STK39: variants seen among roughly 807,000 people sequenced by gnomAD.
STK39 encodes serine/threonine kinase 39.
A neutral mutation model predicts 77.8 loss-of-function variants in STK39; 20 were observed. That is an observed-to-expected ratio of 0.26 (90% CI 0.18 to 0.37). The LOEUF is 0.37. Among genes scored for constraint, STK39 ranks in the 10% least tolerant of loss-of-function variants. The probability of loss-of-function intolerance (pLI) is 1.00; values close to 1 mark genes in which losing one functional copy is unlikely to be tolerated. For missense variants in STK39, 479 were observed against 656.5 expected (o/e 0.73, Z 2.95); for synonymous variants, 246 against 234.1 (o/e 1.05, Z -0.47).
At chr2:168,064,957 A>G (rs1441329959) in intron 13 of STK39, among the ~76,000 whole-genome samples, 1 of 152,244 alleles carries the variant, frequency 6.6e-6, no homozygotes, top group African/African-American at 2.4e-5. Flanking sequence ...ATTCAATGAT[A>G]ACAGAATTAT....
chr2:168,163,023 T>C (rs1468448463), intron 4 of STK39, among the ~76,000 whole-genome samples: 2 of 137,764 alleles, frequency 1.5e-5, no homozygotes, highest in East Asian at 5.4e-4. Flanking sequence ...CAAGACTCTG[T>C]CTCAAAAAAA....
chr2:168,230,597 C>T (rs1690428605), intron 1 of STK39, among the ~76,000 whole-genome samples: 1 of 152,174 alleles, frequency 6.6e-6, no homozygotes, highest in Admixed American at 6.5e-5. Flanking sequence ...TACCTTAAGC[C>T]ACTAAGTTTT....
chr2:168,048,001 C>T (rs899080030), intron 14 of STK39, among the ~76,000 whole-genome samples: 5 of 152,262 alleles, frequency 3.3e-5, no homozygotes, highest in African/African-American at 7.2e-5. Flanking sequence ...TACCAGACGA[C>T]GGCACAGAGT....
chr2:168,069,733 A>G (rs898765035), intron 12 of STK39, among the ~76,000 whole-genome samples: 1 of 152,172 alleles, frequency 6.6e-6, no homozygotes, highest in Admixed American at 6.5e-5. Flanking sequence ...CAGCTTTTTA[A>G]AAATCAGAGT....
At chr2:168,229,916 G>A (rs1324919368) in intron 1 of STK39, among the ~76,000 whole-genome samples, 1 of 152,106 alleles carries the variant, frequency 6.6e-6, no homozygotes, top group Non-Finnish European at 1.5e-5. Context: ...ATATACTCCT[G>A]AAGCCACTTC....
intron 5 of STK39, among the ~76,000 whole-genome samples, chr2:168,158,202 T>C (rs1688483844): frequency 1.3e-5 from 2 of 152,174 alleles, no homozygotes; most frequent in South Asian, 2.1e-4. Flanking sequence ...GGCATCCAAG[T>C]TGATTATCAG....
Position 168,247,285 on chromosome 2 carries a change from C to T in STK39, c.151G>A (p.Ala51Thr). 1 of 818,730 alleles carries T rather than the reference C, an allele frequency of 1.2e-6. No individual in the cohort carries two copies. The highest frequency in any genetic ancestry group is 1.5e-6 in the Non-Finnish European group (1 of 663,820). 50.7% of individuals were successfully genotyped at this position (818,730 alleles called of 1,614,324 possible). A position where few individuals can be genotyped will look rare whatever the true frequency, so the allele number is the denominator to read the frequency against. The change falls in exon 1 of 18, where the codon GCA becomes ACA. Residue 51 changes from alanine (A) to threonine (T), a missense_variant. By Grantham distance (58) the Ala-to-Thr change is moderately conservative. Transcript: ENST00000355999. ...AAPAPAPAPA[A>T]QAVGWPICRD... ...CAGATGGGCCAGCCGACAGCCTGTG[C>T]CGCCGGGGCCGGGGCCGGGGCCGGG... is the stretch of plus-strand genomic sequence containing the variant.
At chr2:167,978,550 T>TTCCTAACA (rs1317860312) in intron 16 of STK39, among the ~76,000 whole-genome samples, 1 of 152,212 alleles carries the variant, frequency 6.6e-6, no homozygotes, top group Non-Finnish European at 1.5e-5. Context: ...TCCTAAATAC[T>TTCCTAACA]TCCTAACATC....
intron 1 of STK39, among the ~76,000 whole-genome samples, chr2:168,214,617 T>C (rs968763814): frequency 1.3e-5 from 2 of 152,182 alleles, no homozygotes; most frequent in African/African-American, 4.8e-5. Context: ...AAATGGATAA[T>C]TTTATGTTAT....
At chr2:168,203,623 C>T (rs1008979117) in intron 1 of STK39, among the ~76,000 whole-genome samples, 2 of 152,170 alleles carry the variant, frequency 1.3e-5, no homozygotes, top group Non-Finnish European at 2.9e-5. Context: ...GACGGAGTCT[C>T]GCTCTGTCAC....
intron 16 of STK39, among the ~76,000 whole-genome samples, chr2:167,999,356 G>C (rs1377173483): frequency 1.3e-5 from 2 of 152,174 alleles, no homozygotes; most frequent in Non-Finnish European, 2.9e-5. Context: ...ACTTGTCTAA[G>C]GTCTGCCTCT....
intron 14 of STK39, among the ~76,000 whole-genome samples, chr2:168,053,647 A>C (rs1226422143): frequency 6.6e-6 from 1 of 152,238 alleles, no homozygotes; most frequent in Admixed American, 6.5e-5. Context: ...AAACAGTATT[A>C]TCGCAGAATG....
chr2:167,985,967 C>T (rs577435187), intron 16 of STK39, among the ~76,000 whole-genome samples: 8 of 152,218 alleles, frequency 5.3e-5, no homozygotes, highest in South Asian at 2.1e-4. Flanking sequence ...AAGGAAATTC[C>T]GAATATGCCA....
chr2:168,112,080 AT>A (rs1180627904), intron 10 of STK39, among the ~76,000 whole-genome samples: 2 of 151,800 alleles, frequency 1.3e-5, no homozygotes, highest in Non-Finnish European at 2.9e-5. Context: ...ATTAATTCTT[AT>A]TTTTATCATC....
intron 2 of STK39, among the ~76,000 whole-genome samples, chr2:168,181,666 G>C (rs1431215892): frequency 6.6e-6 from 1 of 152,096 alleles, no homozygotes; most frequent in Non-Finnish European, 1.5e-5. Context: ...CAGTAATCCT[G>C]TCATGTTAGG....
intron 2 of STK39, among the ~76,000 whole-genome samples, chr2:168,177,206 T>A (rs1202543348): frequency 2.0e-5 from 3 of 152,178 alleles, no homozygotes; most frequent in Non-Finnish European, 4.4e-5. Context: ...GAATGAGCAT[T>A]CCATAATTTC....
At chr2:168,090,279 A>C (rs1331655611) in intron 10 of STK39, among the ~76,000 whole-genome samples, 2 of 144,200 alleles carry the variant, frequency 1.4e-5, no homozygotes, top group African/African-American at 4.9e-5. Context: ...GTAGGGACCA[A>C]AGATACATTT....
chr2:168,183,032 G>T (rs1689122708), intron 1 of STK39, among the ~76,000 whole-genome samples: 1 of 152,140 alleles, frequency 6.6e-6, no homozygotes, highest in Non-Finnish European at 1.5e-5. Context: ...CATCATAAAA[G>T]GGAAAGCAGG....
intron 1 of STK39, among the ~76,000 whole-genome samples, chr2:168,185,269 T>C (rs1689179085): frequency 6.6e-6 from 1 of 152,354 alleles, no homozygotes; most frequent in Non-Finnish European, 1.5e-5. Context: ...CAATAAATCA[T>C]TCAATAGGAT....
Sources: gnomAD v4.1 joint callset for allele counts (sites outside exome capture counted in the v4.1 genomes callset) on GRCh38, gnomAD v4.1.1 for gene constraint, MANE v1.5 for transcripts, NCBI Gene and HGNC (gene_info 2026-07-23, HGNC 2026-07-21) for gene names.